Variants in SPTBN1 observed in about 807,000 individuals in gnomAD.
The protein encoded by SPTBN1 is spectrin beta, non-erythrocytic 1, also known as spectrin beta chain, non-erythrocytic 1.
In SPTBN1, 32 loss-of-function variants were observed where a neutral mutation model predicts 266.4. The ratio of observed to expected loss-of-function variants is 0.12; its 90% CI spans 0.09 to 0.16. SPTBN1 has a LOEUF of 0.16. Among genes scored for constraint, SPTBN1 ranks in the 10% least tolerant of loss-of-function variants. SPTBN1 has a pLI of 1.00. For synonymous variants in SPTBN1, 1,336 were observed against 1,162.2 expected, an observed-to-expected ratio of 1.15 and a Z score of -3.04; for missense variants, 2,296 against 3,067.1, an observed-to-expected ratio of 0.75 and a Z score of 5.94.
At position 54,533,651 on chromosome 2, in the gene SPTBN1, A is replaced by T. The variant is rs933188038; in HGVS notation, c.148+7085A>T. Among the ~76,000 whole-genome samples the T allele has an allele frequency of 3.3e-5, 5 of 152,098 alleles. No homozygotes were observed. The highest frequency in any genetic ancestry group is 1.2e-4 in the African/African-American group (5 of 41,408). ...CTGCAACCTCCGCCTCCTGGGTCCA[A>T]GTGATTCTCCTGCCTCAGCTTCCCG... On this transcript the variant is annotated intron_variant, in intron 2 of 35. Coordinates refer to ENST00000356805, the MANE Select transcript of SPTBN1 (RefSeq NM_003128.3). The surrounding 1 kb of genome is among the most constrained non-coding windows in gnomAD (Gnocchi z 4.2).
intron 2 of SPTBN1, among the ~76,000 whole-genome samples, chr2:54,557,541 T>C (rs1056082690): frequency 2.3e-4 from 35 of 152,126 alleles, no homozygotes; most frequent in Non-Finnish European, 4.4e-5. Flanking sequence ...ATTTAAAATT[T>C]TGGAGAACCA....
At chr2:54,624,131 T>C (rs1255990971) in intron 10 of SPTBN1, among the ~76,000 whole-genome samples, 4 of 152,232 alleles carry the variant, frequency 2.6e-5, no homozygotes, top group African/African-American at 7.2e-5. Flanking sequence ...CATTCCTTTA[T>C]GCTGCTCATT....
chr2:54,583,597 T>A (rs935149395), intron 2 of SPTBN1, among the ~76,000 whole-genome samples: 3 of 152,234 alleles, frequency 2.0e-5, no homozygotes, highest in Non-Finnish European at 4.4e-5. Flanking sequence ...TTTTAAAAAT[T>A]AATATCCTTA....
At chr2:54,563,442 G>T (rs1481177657) in intron 2 of SPTBN1, among the ~76,000 whole-genome samples, 3 of 152,058 alleles carry the variant, frequency 2.0e-5, no homozygotes, top group Non-Finnish European at 2.9e-5. Flanking sequence ...GGGACATAGA[G>T]ATTAAAGAAT....
intron 1 of SPTBN1, among the ~76,000 whole-genome samples, chr2:54,471,800 A>ATGTTTTTTTTTTT (rs1693933535): frequency 9.7e-6 from 1 of 102,718 alleles, no homozygotes; most frequent in Non-Finnish European, 1.9e-5. Context: ...TTTTTTATCG[A>ATGTTTTTTTTTTT]TTTTTTTTTT....
chr2:54,542,947 T>C (rs556408100), intron 2 of SPTBN1, among the ~76,000 whole-genome samples: 1 of 152,360 alleles, frequency 6.6e-6, no homozygotes, highest in South Asian at 2.1e-4. Flanking sequence ...GATTATGTTT[T>C]TCTTAGCTCA....
At chr2:54,660,582 A>G in intron 32 of SPTBN1, 1 of 985,438 alleles carries the variant, frequency 1.0e-6, no homozygotes, top group East Asian at 1.1e-4. Flanking sequence ...TCCATGAAAG[A>G]TGCATTCATT....
At chr2:54,599,346 T>C in intron 3 of SPTBN1, 103 bp downstream of exon 3, 1 of 1,387,918 alleles carries the variant, frequency 7.2e-7, no homozygotes. Flanking sequence ...TAATGGTTGA[T>C]AGTTTTGAGG....
At chr2:54,470,170 T>C (rs1225442523) in intron 1 of SPTBN1, among the ~76,000 whole-genome samples, 1 of 152,246 alleles carries the variant, frequency 6.6e-6, no homozygotes, top group Non-Finnish European at 1.5e-5. Context: ...AAGGTAAAAG[T>C]TTAATTAGAG....
chr2:54,525,134 T>C (rs1300742375), intron 1 of SPTBN1, among the ~76,000 whole-genome samples: 1 of 152,208 alleles, frequency 6.6e-6, no homozygotes, highest in African/African-American at 2.4e-5. Flanking sequence ...ATAATAGCTA[T>C]ATTGAAGGGA....
At chr2:54,518,454 TAA>T (rs66586310) in intron 1 of SPTBN1, among the ~76,000 whole-genome samples, 6 of 143,706 alleles carry the variant, frequency 4.2e-5, no homozygotes, top group Admixed American at 2.8e-4. Context: ...AAAGTATAAT[TAA>T]AAAAAAAAAA....
chr2:54,572,604 C>G (rs1421395345), intron 2 of SPTBN1, among the ~76,000 whole-genome samples: 1 of 152,220 alleles, frequency 6.6e-6, no homozygotes, highest in Non-Finnish European at 1.5e-5. Context: ...GGCCCATGAA[C>G]TACTTTCCCA....
At chr2:54,654,042 C>G (rs549998904) in intron 27 of SPTBN1, among the ~76,000 whole-genome samples, 189 bp downstream of exon 27, 38 of 152,256 alleles carry the variant, frequency 2.5e-4, no homozygotes, top group Admixed American at 7.8e-4. Context: ...CACACCATCA[C>G]CAGGGAATGT....
Position 54,649,724 on chromosome 2 carries a change from C to T in SPTBN1, c.5312C>T (p.Ser1771Leu). ...LADELINSGHSDAATIAEWKD... is the reference protein window; with the variant it reads ...LADELINSGHLDAATIAEWKD... Reference sequence around the variant, plus strand: ...GATGAGCTCATCAACTCTGGACATTCAGATGCCGCCACCATCGCTGAATGG... The same window carrying T: ...GATGAGCTCATCAACTCTGGACATTTAGATGCCGCCACCATCGCTGAATGG... The change falls in exon 26 of 36, where the codon TCA (serine) becomes TTA (leucine). Residue 1771 changes from serine to leucine, a missense_variant. By Grantham distance (145) the Ser-to-Leu change is moderately radical (BLOSUM62 -2). Transcript: ENST00000356805. The surrounding 1 kb of genome is among the most constrained non-coding windows in gnomAD (Gnocchi z 6.7). The T allele has an allele frequency of 3.7e-6, 6 of 1,614,212 alleles. No individual in the cohort carries two copies. Among genetic ancestry groups the T allele is most frequent in the Non-Finnish European group, 5.1e-6 (6 of 1,180,038 alleles).
rs963811487 is a variant in SPTBN1, at chr2:54,621,252, T to A, written c.764-148T>A. The A allele has an allele frequency of 1.1e-5, 6 of 543,110 alleles. No homozygotes were observed. The African/African-American group carries it at 1.1e-4, about 10-fold the overall frequency. The allele number at this position is 543,110 out of a possible 1,614,324, so 33.6% of individuals were successfully genotyped here. ...GGTTTAACCCTCATTATCCTTGTAA[T>A]TAATGCACGGATGGCAGAACACTCA... On this transcript the variant is annotated intron_variant, in intron 7 of 35. Transcript: ENST00000356805.
intron 1 of SPTBN1, among the ~76,000 whole-genome samples, chr2:54,508,123 C>G (rs148689201): frequency 6.6e-6 from 1 of 152,246 alleles, no homozygotes; most frequent in Non-Finnish European, 1.5e-5. Context: ...CCACTGAATA[C>G]CAACAGCCTG....
At chr2:54,665,793 G>C in intron 33 of SPTBN1, 122 bp from the exon 34 acceptor site, 1 of 1,155,454 alleles carries the variant, frequency 8.7e-7, no homozygotes, top group Non-Finnish European at 1.2e-6. Flanking sequence ...GAAGGTTGAG[G>C]GTTGGGTGGG....
At chr2:54,560,189 G>GT (rs35251421) in intron 2 of SPTBN1, among the ~76,000 whole-genome samples, 1 of 135,700 alleles carries the variant, frequency 7.4e-6, no homozygotes, top group African/African-American at 3.3e-5. Flanking sequence ...AGTTGGGGTG[G>GT]GGGGGGGCGT....
chr2:54,491,993 C>T (rs941268741), intron 1 of SPTBN1, among the ~76,000 whole-genome samples: 1 of 152,070 alleles, frequency 6.6e-6, no homozygotes, highest in African/African-American at 2.4e-5. Flanking sequence ...AAATTTTGTT[C>T]TTTAGATGTT....
Sources: gnomAD v4.1 joint callset for allele counts (sites outside exome capture counted in the v4.1 genomes callset) on GRCh38, gnomAD v4.1.1 for gene constraint, Gnocchi (gnomAD v3.1) non-coding constraint, MANE v1.5 for transcripts, NCBI Gene and HGNC (gene_info 2026-07-23, HGNC 2026-07-21) for gene names.